The following TNFRSF10D variants were observed in gnomAD, a reference collection of about 807,000 sequenced individuals.
The protein encoded by TNFRSF10D is TNF receptor superfamily member 10d.
TNFRSF10D carries 28 observed loss-of-function variants against 42.1 expected under a neutral mutation model. That is an observed-to-expected ratio of 0.66 (90% CI 0.49 to 0.91). The LOEUF is 0.91. TNFRSF10D is among the 40% of genes least tolerant of loss of function. TNFRSF10D has a pLI of 0.00. For missense variants in TNFRSF10D, 503 were observed against 486.1 expected, an observed-to-expected ratio of 1.03 and a Z score of -0.33; for synonymous variants, 186 against 189.4, an observed-to-expected ratio of 0.98 and a Z score of 0.15.
intron 2 of TNFRSF10D, among the ~76,000 whole-genome samples, chr8:23,149,978 A>G (rs1027561735): frequency 3.3e-5 from 5 of 152,220 alleles, no homozygotes; most frequent in African/African-American, 1.2e-4. Flanking sequence ...ACTGACAGAA[A>G]TCATCCAACA....
At position 23,147,868 on chromosome 8, in the gene TNFRSF10D, C is replaced by G. The variant is rs546566909; in HGVS notation, c.370+570G>C. Among the ~76,000 whole-genome samples, 3 of 152,044 alleles carry G rather than the reference C, an allele frequency of 2.0e-5. No homozygotes were observed. The South Asian group carries it at 6.2e-4, about 32-fold the overall frequency. ...ACGAGGTCAGGAGATCGAGACCATCCTGGCTAACACGGTGAAACCCCGTCT... is the reference window on the plus strand; with the variant it reads ...ACGAGGTCAGGAGATCGAGACCATCGTGGCTAACACGGTGAAACCCCGTCT... On this transcript the variant is annotated intron_variant, in intron 3 of 8. Coordinates refer to ENST00000312584, the MANE Select transcript of TNFRSF10D (RefSeq NM_003840.5).
At chr8:23,161,761 T>C (rs1421826799) in intron 1 of TNFRSF10D, among the ~76,000 whole-genome samples, 322 of 151,254 alleles carry the variant, frequency 2.1e-3, no homozygotes, top group African/African-American at 6.7e-3. Context: ...GGTGTAGGGA[T>C]ACAGGCACAT....
At chr8:23,145,303 T>C (rs1392357430) in intron 5 of TNFRSF10D, among the ~76,000 whole-genome samples, 1 of 152,140 alleles carries the variant, frequency 6.6e-6, no homozygotes, top group East Asian at 1.9e-4. Flanking sequence ...GGAAAATCTC[T>C]GTGTTCTGCT....
At chr8:23,145,523 G>T (rs1025815172) in intron 5 of TNFRSF10D, 145 bp downstream of exon 5, 2 of 1,238,960 alleles carry the variant, frequency 1.6e-6, no homozygotes, top group Non-Finnish European at 2.2e-6. Flanking sequence ...AGGACGTGGG[G>T]ATGGGGCGAT....
intron 6 of TNFRSF10D, 123 bp from the exon 7 acceptor site, chr8:23,144,758 C>A: frequency 8.2e-7 from 1 of 1,215,560 alleles, no homozygotes; most frequent in East Asian, 2.5e-5. Context: ...AGCTGAGGCT[C>A]AGCACATCCA....
At position 23,162,187 on chromosome 8, in the gene TNFRSF10D, A is replaced by G. The variant is rs543772442; in HGVS notation, c.150+1599T>C. The stretch of plus-strand genomic sequence containing the variant: ...TTTTAAAAAGCAACTGTGCATTGAA[A>G]TGCATTTAATAAGGCAAGATTGATG... On this transcript the variant is annotated intron_variant, in intron 1 of 8. Coordinates refer to ENST00000312584, the MANE Select transcript of TNFRSF10D (RefSeq NM_003840.5). Among the ~76,000 whole-genome samples the G allele has an allele frequency of 3.3e-5, 5 of 152,370 alleles. No individual in the cohort carries two copies. The East Asian group carries it at 9.6e-4, about 29-fold the overall frequency.
chr8:23,155,466 T>C (rs1441989742), intron 1 of TNFRSF10D, among the ~76,000 whole-genome samples: 2 of 152,034 alleles, frequency 1.3e-5, no homozygotes, highest in African/African-American at 4.8e-5. Flanking sequence ...AGGCCTGTAA[T>C]CACAGCACTT....
Position 23,137,691 on chromosome 8 carries a change from T to G in TNFRSF10D, c.*179A>C. ...CCCGTTTGCTTATCACACGCAGTAT[T>G]TCATAAAAATTACTCCAAGTGCGTT... is the stretch of plus-strand genomic sequence containing the variant. On this transcript the variant is annotated 3_prime_UTR_variant, in exon 9 of 9. Coordinates refer to ENST00000312584, the MANE Select transcript of TNFRSF10D (RefSeq NM_003840.5). 1 of 686,232 alleles carries G rather than the reference T, an allele frequency of 1.5e-6. No homozygotes were observed. Among genetic ancestry groups the G allele is most frequent in the Non-Finnish European group, 2.3e-6 (1 of 433,122 alleles). 42.5% of individuals were successfully genotyped at this position (686,232 alleles called of 1,614,324 possible).
chr8:23,146,587 C>T (rs1181514182), intron 4 of TNFRSF10D, among the ~76,000 whole-genome samples: 937 of 152,138 alleles, frequency 6.2e-3, no homozygotes, highest in African/African-American at 0.019. Context: ...TTTAAACCAA[C>T]TTAGAGTAAG....
intron 1 of TNFRSF10D, 43 bp from the exon 2 acceptor site, chr8:23,155,022 C>T: frequency 6.8e-7 from 1 of 1,465,028 alleles, no homozygotes; most frequent in Non-Finnish European, 9.3e-7. Flanking sequence ...GCTTCCAGAC[C>T]TTACCTCTCC....
chr8:23,156,177 C>T (rs1263880087), intron 1 of TNFRSF10D, among the ~76,000 whole-genome samples: 1 of 152,044 alleles, frequency 6.6e-6, no homozygotes, highest in Non-Finnish European at 1.5e-5. Context: ...TTCATCATGC[C>T]AACAGCTATT....
chr8:23,157,226 G>A (rs745735964), intron 1 of TNFRSF10D, among the ~76,000 whole-genome samples: 57 of 151,716 alleles, frequency 3.8e-4, no homozygotes, highest in Non-Finnish European at 6.2e-4. Context: ...TAGACACATT[G>A]AAAGCTGTAT....
chr8:23,146,094 G>C (rs751331150), intron 4 of TNFRSF10D, among the ~76,000 whole-genome samples, 173 bp from the exon 5 acceptor site: 3 of 152,210 alleles, frequency 2.0e-5, no homozygotes, highest in Non-Finnish European at 2.9e-5. Flanking sequence ...GGAAGGGTCT[G>C]AGCATGCACA....
intron 1 of TNFRSF10D, among the ~76,000 whole-genome samples, chr8:23,157,969 G>C (rs968779681): frequency 2.6e-5 from 4 of 152,214 alleles, no homozygotes; most frequent in African/African-American, 9.6e-5. Context: ...GAAAACACCT[G>C]AAACTGATCA....
At chr8:23,140,144 C>T (rs1352361728) in intron 7 of TNFRSF10D, among the ~76,000 whole-genome samples, 1 of 152,074 alleles carries the variant, frequency 6.6e-6, no homozygotes, top group Admixed American at 6.6e-5. Context: ...AAAAAACTAA[C>T]CAGGCGTGGC....
At chr8:23,158,037 G>A (rs1026495094) in intron 1 of TNFRSF10D, among the ~76,000 whole-genome samples, 1 of 152,226 alleles carries the variant, frequency 6.6e-6, no homozygotes, top group Admixed American at 6.5e-5. Context: ...CCTGGAAGTA[G>A]GCCAACCTAT....
chr8:23,148,999 G>A (rs1033567502), intron 2 of TNFRSF10D, among the ~76,000 whole-genome samples: 2 of 151,426 alleles, frequency 1.3e-5, no homozygotes, highest in South Asian at 2.1e-4. Flanking sequence ...GACCATCCTG[G>A]CTAACACAGT....
chr8:23,148,701 A>G, intron 2 of TNFRSF10D, 150 bp from the exon 3 acceptor site: 1 of 532,424 alleles, frequency 1.9e-6, no homozygotes, highest in Non-Finnish European at 3.5e-6. Context: ...TTCTGCATCT[A>G]TTACACTATT....
At chr8:23,142,230 C>T (rs1050713873) in intron 7 of TNFRSF10D, among the ~76,000 whole-genome samples, 1 of 151,714 alleles carries the variant, frequency 6.6e-6, no homozygotes, top group Admixed American at 6.6e-5. Flanking sequence ...GAGATTGTGC[C>T]ACTGCACTCC....
Sources: gnomAD v4.1 joint callset for allele counts (sites outside exome capture counted in the v4.1 genomes callset) on GRCh38, gnomAD v4.1.1 for gene constraint, MANE v1.5 for transcripts, NCBI Gene and HGNC (gene_info 2026-07-23, HGNC 2026-07-21) for gene names.